Variants in CDK19 observed in about 807,000 individuals in gnomAD.
The protein encoded by CDK19 is cyclin dependent kinase 19, also known as cyclin-dependent kinase 19.
CDK19 carries 20 observed loss-of-function variants against 68.3 expected under a neutral mutation model. The ratio of observed to expected loss-of-function variants is 0.29; its 90% CI spans 0.21 to 0.43. The LOEUF is 0.43. CDK19 is among the 20% of genes least tolerant of loss of function. CDK19 has a pLI of 1.00. For synonymous variants in CDK19, 221 were observed against 222.8 expected, an observed-to-expected ratio of 0.99 and a Z score of 0.07; for missense variants, 339 against 623.5, an observed-to-expected ratio of 0.54 and a Z score of 4.86.
chr6:110,627,213 C>G (rs1779142980), intron 6 of CDK19, 68 bp from the exon 7 acceptor site: 9 of 1,174,798 alleles, frequency 7.7e-6, no homozygotes, highest in Non-Finnish European at 9.7e-6. Context: ...ATAATCCCAG[C>G]CTACTTATAA....
chr6:110,734,520 G>GCTCTCTCTCTCTCTCTCTCTCTCT (rs34004722), intron 2 of CDK19, among the ~76,000 whole-genome samples: 1,679 of 85,686 alleles, frequency 0.02, 378 homozygotes, highest in Admixed American at 0.037. Flanking sequence ...GGTGAGCACT[G>GCTCTCTCTCTCTCTCTCTCTCTCT]CTCTCTCTCT....
intron 1 of CDK19, among the ~76,000 whole-genome samples, chr6:110,765,803 A>G (rs994033991): frequency 6.6e-6 from 1 of 152,162 alleles, no homozygotes; most frequent in African/African-American, 2.4e-5. Context: ...ATCTGAATAG[A>G]CATTTCTCAA....
At chr6:110,734,520 GCTCTCTCTCTCTCTCT>G (rs34004722) in intron 2 of CDK19, among the ~76,000 whole-genome samples, 6 of 85,778 alleles carry the variant, frequency 7.0e-5, no homozygotes, top group African/African-American at 2.5e-4. Flanking sequence ...GGTGAGCACT[GCTCTCTCTCTCTCTCT>G]CTCTCTCTCT....
At chr6:110,671,101 A>G (rs1345539365) in intron 2 of CDK19, among the ~76,000 whole-genome samples, 1 of 152,096 alleles carries the variant, frequency 6.6e-6, no homozygotes, top group African/African-American at 2.4e-5. Context: ...TAGTGAGTAT[A>G]AGGGAATGAC....
At chr6:110,705,130 T>TACC (rs990408192) in intron 2 of CDK19, among the ~76,000 whole-genome samples, 8 of 150,408 alleles carry the variant, frequency 5.3e-5, no homozygotes, top group African/African-American at 1.9e-4. Context: ...AGCCTCTGCC[T>TACC]ACCAGGTTCA....
In CDK19 at chr6:110,809,529, T is replaced by G. The variant is rs551857371; in HGVS notation, c.128+5480A>C. Among the ~76,000 whole-genome samples, 5 of 151,922 alleles carry G rather than the reference T, an allele frequency of 3.3e-5. No individual in the cohort carries two copies. The East Asian group carries it at 9.7e-4, about 29-fold the overall frequency. ...GTGAGACAGTCTCAAGTGAAAAAAA[T>G]GAAAAAAGAAATTTATCAACTGTTT... On this transcript the variant is annotated intron_variant, in intron 1 of 12. Coordinates refer to ENST00000368911, the MANE Select transcript of CDK19 (RefSeq NM_015076.5).
chr6:110,754,135 T>A (rs1455528875), intron 1 of CDK19, among the ~76,000 whole-genome samples: 1 of 151,138 alleles, frequency 6.6e-6, no homozygotes, highest in Non-Finnish European at 1.5e-5. Flanking sequence ...GCTCAAGCAA[T>A]CCTCCCGCCT....
chr6:110,618,480 C>G (rs896935731), intron 12 of CDK19, among the ~76,000 whole-genome samples: 1 of 152,190 alleles, frequency 6.6e-6, no homozygotes, highest in Non-Finnish European at 1.5e-5. Flanking sequence ...GAGTTGTGTA[C>G]TTTTCCCTCT....
At chr6:110,702,972 T>G (rs1258353885) in intron 2 of CDK19, among the ~76,000 whole-genome samples, 1 of 152,214 alleles carries the variant, frequency 6.6e-6, no homozygotes, top group Non-Finnish European at 1.5e-5. Flanking sequence ...TTTCTATTTC[T>G]GAAATGTCAA....
chr6:110,732,316 C>T (rs185997382), intron 2 of CDK19, among the ~76,000 whole-genome samples: 279 of 152,018 alleles, frequency 1.8e-3, no homozygotes, highest in Middle Eastern at 3.4e-3. Context: ...GCTGTCACGG[C>T]GCAAAACCCT....
Position 110,624,678 on chromosome 6 carries a change from T to A in CDK19, c.861-1316A>T, listed in dbSNP as rs1399667128. Among the ~76,000 whole-genome samples the A allele has an allele frequency of 2.0e-5, 3 of 152,258 alleles. No individual in the cohort carries two copies. The East Asian group carries it at 5.8e-4, about 29-fold the overall frequency. Reference sequence around the variant, plus strand: ...ATATTGTTCCATAAACATTTTCTTTTGTCAAATAATCTTCAAACTTATTAT... The same window carrying A: ...ATATTGTTCCATAAACATTTTCTTTAGTCAAATAATCTTCAAACTTATTAT... On this transcript the variant is annotated intron_variant, in intron 8 of 12. Transcript: ENST00000368911.
chr6:110,633,101 C>A (rs902003679), intron 5 of CDK19, among the ~76,000 whole-genome samples: 1 of 152,102 alleles, frequency 6.6e-6, no homozygotes, highest in African/African-American at 2.4e-5. Flanking sequence ...CACCTGTAGT[C>A]CCAGCCACTA....
chr6:110,668,146 A>G (rs1187810169), intron 3 of CDK19, among the ~76,000 whole-genome samples: 2 of 152,178 alleles, frequency 1.3e-5, no homozygotes, highest in African/African-American at 4.8e-5. Flanking sequence ...CCATATTCAA[A>G]TTTTTATATC....
At chr6:110,779,703 C>T (rs942415975) in intron 1 of CDK19, among the ~76,000 whole-genome samples, 1 of 152,120 alleles carries the variant, frequency 6.6e-6, no homozygotes, top group African/African-American at 2.4e-5. Context: ...ATCACTTGAA[C>T]TCAGGAGTTT....
intron 8 of CDK19, among the ~76,000 whole-genome samples, chr6:110,625,265 T>G (rs563511213): frequency 6.6e-6 from 1 of 152,112 alleles, no homozygotes; most frequent in Non-Finnish European, 1.5e-5. Context: ...TCCAGGTGAT[T>G]TGTAGGTACA....
intron 1 of CDK19, among the ~76,000 whole-genome samples, chr6:110,814,400 C>T (rs987162414): frequency 2.0e-4 from 30 of 152,366 alleles, no homozygotes; most frequent in Admixed American, 5.2e-4. Flanking sequence ...ACCCGGGACG[C>T]CGGGCATACA....
chr6:110,773,603 C>T (rs944247599), intron 1 of CDK19, among the ~76,000 whole-genome samples: 26 of 152,042 alleles, frequency 1.7e-4, no homozygotes, highest in African/African-American at 5.6e-4. Flanking sequence ...TATACTAATG[C>T]TGTTTTCCTA....
chr6:110,651,232 ACTATCTAT>A lies in CDK19; in HGVS notation c.457-12534_457-12527del, dbSNP rs61558536. On this transcript the variant is annotated intron_variant, in intron 4 of 12. Transcript: ENST00000368911. The stretch of plus-strand genomic sequence containing the variant: ...ATTTTTAAATAGTTGAAATAGATCT[ACTATCTAT>A]CTATCTATCTATCTATCTATCTATC... 3.4e-3 allele frequency among the ~76,000 whole-genome samples: 506 copies of A among 149,936 alleles called. 5 individuals are homozygous for A. The highest frequency in any genetic ancestry group is 0.011 in the African/African-American group (452 of 40,640).
chr6:110,661,778 A>T (rs1174861967), intron 4 of CDK19, among the ~76,000 whole-genome samples: 1 of 152,244 alleles, frequency 6.6e-6, no homozygotes, highest in Non-Finnish European at 1.5e-5. Flanking sequence ...TAACAATAAA[A>T]GCCAAAAGAT....
Sources: gnomAD v4.1 joint callset for allele counts (sites outside exome capture counted in the v4.1 genomes callset) on GRCh38, gnomAD v4.1.1 for gene constraint, MANE v1.5 for transcripts, NCBI Gene and HGNC (gene_info 2026-07-23, HGNC 2026-07-21) for gene names.